PTPRD: variants seen among roughly 807,000 people sequenced by gnomAD.
The protein encoded by PTPRD is receptor-type tyrosine-protein phosphatase delta.
Under a neutral mutation model 214.5 loss-of-function variants are expected in PTPRD, and 34 were observed. The observed-to-expected ratio is 0.16, with a 90% CI of 0.12 to 0.21. PTPRD has a LOEUF of 0.21. Among genes scored for constraint, PTPRD ranks in the 10% least tolerant of loss-of-function variants. PTPRD has a pLI of 1.00. For missense variants in PTPRD, 2,545 were observed against 2,398.7 expected, an observed-to-expected ratio of 1.06 and a Z score of -1.27; for synonymous variants, 1,128 against 845.7, an observed-to-expected ratio of 1.33 and a Z score of -5.79.
intron 10 of PTPRD, among the ~76,000 whole-genome samples, chr9:9,046,641 T>C (rs1273044128): frequency 5.9e-5 from 9 of 152,178 alleles, no homozygotes; most frequent in Admixed American, 5.9e-4. Context: ...AACTTTTTTA[T>C]TAAAGGAATA....
chr9:9,392,124 G>C (rs971321897), intron 9 of PTPRD, among the ~76,000 whole-genome samples: 1 of 152,092 alleles, frequency 6.6e-6, no homozygotes, highest in East Asian at 1.9e-4. Context: ...GGCAAAACTC[G>C]TTATTTCATT....
intron 3 of PTPRD, among the ~76,000 whole-genome samples, chr9:10,228,413 G>T (rs1358699982): frequency 6.6e-6 from 1 of 151,898 alleles, no homozygotes; most frequent in East Asian, 1.9e-4. Context: ...CAGCCTTCAG[G>T]TTAATATTGA....
chr9:9,579,374 C>A (rs1206645492), intron 7 of PTPRD, among the ~76,000 whole-genome samples: 1 of 152,066 alleles, frequency 6.6e-6, no homozygotes, highest in African/African-American at 2.4e-5. Flanking sequence ...GAGAGGTAAA[C>A]AAATATATCC....
At chr9:9,373,365 G>T (rs746052357) in intron 9 of PTPRD, among the ~76,000 whole-genome samples, 1 of 152,028 alleles carries the variant, frequency 6.6e-6, no homozygotes, top group African/African-American at 2.4e-5. Flanking sequence ...TTGTAGAAAT[G>T]CTTGTTATTA....
intron 10 of PTPRD, among the ~76,000 whole-genome samples, chr9:9,068,869 C>G (rs77663611): frequency 0.054 from 8,277 of 152,140 alleles, 305 homozygotes; most frequent in Non-Finnish European, 0.078. Flanking sequence ...CTTGACCCCC[C>G]AAAGTATTTG....
intron 8 of PTPRD, among the ~76,000 whole-genome samples, chr9:9,444,176 G>C (rs375872751): frequency 6.6e-6 from 1 of 152,014 alleles, no homozygotes; most frequent in South Asian, 2.1e-4. Flanking sequence ...ATGTTCTTTG[G>C]ATTTCGTGCA....
intron 9 of PTPRD, among the ~76,000 whole-genome samples, chr9:9,291,525 G>T (rs1668385951): frequency 6.6e-6 from 1 of 151,226 alleles, no homozygotes; most frequent in Non-Finnish European, 1.5e-5. Flanking sequence ...CATAAAACGG[G>T]ATTTCCCAGT....
intron 19 of PTPRD, among the ~76,000 whole-genome samples, chr9:8,522,564 C>G (rs1362009133): frequency 6.6e-6 from 1 of 152,154 alleles, no homozygotes; most frequent in Non-Finnish European, 1.5e-5. Context: ...GACACTGGAT[C>G]TAAAACATAC....
intron 3 of PTPRD, among the ~76,000 whole-genome samples, chr9:10,241,937 C>T (rs1340683127): frequency 2.6e-5 from 4 of 151,730 alleles, no homozygotes; most frequent in African/African-American, 9.7e-5. Context: ...CACATAAAAC[C>T]AAAGCTATAT....
chr9:9,399,966 C>G (rs1030164636), intron 8 of PTPRD, among the ~76,000 whole-genome samples: 1 of 151,848 alleles, frequency 6.6e-6, no homozygotes, highest in African/African-American at 2.4e-5. Context: ...AATCAGAAAT[C>G]ATGGAAGTAC....
intron 12 of PTPRD, among the ~76,000 whole-genome samples, chr9:8,680,611 TATG>T (rs1218312753): frequency 9.2e-5 from 14 of 152,204 alleles, no homozygotes; most frequent in African/African-American, 2.4e-4. Context: ...ATATACTATA[TATG>T]ATATTAAATA....
At chr9:9,333,952 C>T (rs1461747868) in intron 9 of PTPRD, among the ~76,000 whole-genome samples, 2 of 151,832 alleles carry the variant, frequency 1.3e-5, no homozygotes, top group East Asian at 1.9e-4. Context: ...TCCTCAATGT[C>T]GTGCGTTCCA....
chr9:8,560,879 A>T (rs1717479695), intron 14 of PTPRD, among the ~76,000 whole-genome samples: 1 of 152,016 alleles, frequency 6.6e-6, no homozygotes, highest in African/African-American at 2.4e-5. Flanking sequence ...CAAATTCCTC[A>T]GGACTCTTTA....
intron 3 of PTPRD, among the ~76,000 whole-genome samples, chr9:10,231,512 G>A (rs1254086269): frequency 6.6e-6 from 1 of 151,936 alleles, no homozygotes; most frequent in Non-Finnish European, 1.5e-5. Flanking sequence ...GTGAGTTCTT[G>A]GACAGAAGAA....
intron 3 of PTPRD, among the ~76,000 whole-genome samples, chr9:10,313,032 A>C (rs1248769503): frequency 6.6e-6 from 1 of 152,058 alleles, no homozygotes; most frequent in East Asian, 1.9e-4. Context: ...CTTGATTATC[A>C]ATAATGATTG....
chr9:8,498,953 G>A (rs964911584), intron 25 of PTPRD, among the ~76,000 whole-genome samples: 1 of 152,138 alleles, frequency 6.6e-6, no homozygotes, highest in Non-Finnish European at 1.5e-5. Context: ...AAACCGGGTT[G>A]TGATACCATA....
At chr9:8,722,259 G>C (rs977869803) in intron 12 of PTPRD, among the ~76,000 whole-genome samples, 1 of 151,988 alleles carries the variant, frequency 6.6e-6, no homozygotes, top group Non-Finnish European at 1.5e-5. Flanking sequence ...AGAGCTGTGA[G>C]CATTGCCAAA....
intron 3 of PTPRD, among the ~76,000 whole-genome samples, chr9:10,306,279 G>T (rs1012916139): frequency 1.3e-5 from 2 of 151,704 alleles, no homozygotes; most frequent in African/African-American, 2.4e-5. Context: ...TCGTGGGGTG[G>T]GGGGGGCTAG....
chr9:9,677,044 T>C (rs1452591684), intron 7 of PTPRD, among the ~76,000 whole-genome samples: 2 of 151,984 alleles, frequency 1.3e-5, no homozygotes, highest in Non-Finnish European at 2.9e-5. Context: ...GTCAGAAGAG[T>C]AGGTTGCAAA....
Sources: allele counts gnomAD v4.1 joint callset (sites outside exome capture counted in the v4.1 genomes callset), GRCh38; gene constraint gnomAD v4.1.1; transcripts MANE v1.5; gene names NCBI Gene and HGNC (gene_info 2026-07-23, HGNC 2026-07-21).